GPSM2: variants seen among roughly 807,000 people sequenced by gnomAD.
GPSM2 encodes the protein G protein-signaling modulator 2.
A neutral mutation model predicts 78.4 loss-of-function variants in GPSM2; 58 were observed. That is an observed-to-expected ratio of 0.74 (90% CI 0.60 to 0.92). The LOEUF (loss-of-function observed/expected upper bound fraction) is 0.92. Among genes scored for constraint, GPSM2 ranks in the 40% least tolerant of loss-of-function variants. The pLI, the probability that GPSM2 is intolerant of heterozygous loss-of-function variation, is 0.00. For synonymous variants in GPSM2, 224 were observed against 280.2 expected (o/e 0.80, Z 2.00); for missense variants, 700 against 815.5 (o/e 0.86, Z 1.73).
At chr1:108,901,442 G>GC in intron 7 of GPSM2, among the ~76,000 whole-genome samples, 1 of 152,222 alleles carries the variant, frequency 6.6e-6, no homozygotes, top group African/African-American at 2.4e-5. Flanking sequence ...GTGGAAAAAA[G>GC]CCTCTTTTAG....
intron 2 of GPSM2, among the ~76,000 whole-genome samples, chr1:108,886,684 G>A (rs1170560365): frequency 1.3e-5 from 2 of 152,178 alleles, no homozygotes; most frequent in East Asian, 3.9e-4. Flanking sequence ...TTATGCACAT[G>A]TATGTGTGTT....
intron 12 of GPSM2, among the ~76,000 whole-genome samples, chr1:108,919,596 G>A (rs898444448): frequency 6.6e-6 from 1 of 152,046 alleles, no homozygotes; most frequent in East Asian, 1.9e-4. Flanking sequence ...AAGTTAGCCA[G>A]GTATGGTGGT....
At chr1:108,903,987 CAT>C in intron 9 of GPSM2, 136 bp from the exon 10 acceptor site, 3 of 664,288 alleles carry the variant, frequency 4.5e-6, no homozygotes, top group Non-Finnish European at 8.0e-6. Context: ...TTCATTCATT[CAT>C]AGTCTCATAA....
At chr1:108,929,509 A>T in intron 14 of GPSM2, 192 bp from the exon 15 acceptor site, 1 of 616,394 alleles carries the variant, frequency 1.6e-6, no homozygotes, top group Non-Finnish European at 2.8e-6. Flanking sequence ...ATGCAGTTTC[A>T]GGTTTAAAGA....
At chr1:108,899,509 G>C (rs1424361733) in intron 7 of GPSM2, among the ~76,000 whole-genome samples, 1 of 151,958 alleles carries the variant, frequency 6.6e-6, no homozygotes, top group African/African-American at 2.4e-5. Context: ...CCCTCTTTCT[G>C]CCTATATTTG....
intron 14 of GPSM2, among the ~76,000 whole-genome samples, chr1:108,928,394 T>C (rs942091617): frequency 6.6e-6 from 1 of 152,078 alleles, no homozygotes; most frequent in Non-Finnish European, 1.5e-5. Flanking sequence ...AGTGTTGGGT[T>C]AATTGGAGGA....
chr1:108,878,254 G>A (rs1429300875), intron 1 of GPSM2, among the ~76,000 whole-genome samples: 1 of 152,130 alleles, frequency 6.6e-6, no homozygotes, highest in African/African-American at 2.4e-5. Flanking sequence ...GACATGGTGT[G>A]TGTAAGGAGA....
At chr1:108,901,198 C>T (rs1410693914) in intron 7 of GPSM2, among the ~76,000 whole-genome samples, 2 of 152,170 alleles carry the variant, frequency 1.3e-5, no homozygotes, top group East Asian at 1.9e-4. Flanking sequence ...CCCAGTCTAG[C>T]TCCAAGATCT....
At chr1:108,919,541 G>C (rs77231259) in intron 12 of GPSM2, among the ~76,000 whole-genome samples, 155 of 152,178 alleles carry the variant, frequency 1.0e-3, no homozygotes, top group Admixed American at 4.8e-3. Context: ...GATGAAAAAT[G>C]AGCCTGGGCA....
intron 10 of GPSM2, among the ~76,000 whole-genome samples, chr1:108,908,412 G>C (rs558456571): frequency 6.7e-6 from 1 of 148,906 alleles, no homozygotes; most frequent in Non-Finnish European, 1.5e-5. Context: ...GGCCAGGCGC[G>C]GTGGCTCACA....
Position 108,931,603 on chromosome 1 carries a change from G to T in GPSM2, c.*1663G>T. On this transcript the variant is annotated 3_prime_UTR_variant, in exon 15 of 15. Transcript: ENST00000264126. ...AATGTTTTTTAAGAGTCATAACCTG[G>T]AATTAATTACATTAAGTGCTCAGCT... 1.6e-6 allele frequency: 2 copies of T among 1,276,130 alleles called. No homozygotes were observed. The highest frequency in any genetic ancestry group is 2.0e-6 in the Non-Finnish European group (2 of 980,152). 79.1% of individuals were successfully genotyped at this position (1,276,130 alleles called of 1,614,324 possible).
At chr1:108,879,549 C>T (rs1470241011) in intron 1 of GPSM2, among the ~76,000 whole-genome samples, 1 of 152,166 alleles carries the variant, frequency 6.6e-6, no homozygotes, top group East Asian at 1.9e-4. Context: ...AAATAAAAGG[C>T]TGAGGCCGGG....
In GPSM2 at chr1:108,885,534, T is replaced by G; in HGVS notation, c.12T>G (p.Asn4Lys). ...TATAATATGACTCGATGGAGGAAAA[T>G]TTGATAAGCATGAGAGAAGACCATT... The part of the protein sequence containing the change: MEE[N>K]LISMREDHSF... The change falls in exon 2 of 15, where the codon AAT becomes AAG. Residue 4 changes from asparagine to lysine, a missense_variant. Asn to Lys is a moderately conservative substitution (Grantham distance 94, BLOSUM62 0). Transcript: ENST00000264126. The G allele has an allele frequency of 6.4e-7, 1 of 1,574,692 alleles. No individual in the cohort carries two copies. Among genetic ancestry groups the G allele is most frequent in the Non-Finnish European group, 8.7e-7 (1 of 1,144,422 alleles).
At chr1:108,878,361 A>G (rs1370095345) in intron 1 of GPSM2, among the ~76,000 whole-genome samples, 1 of 152,092 alleles carries the variant, frequency 6.6e-6, no homozygotes, top group Non-Finnish European at 1.5e-5. Flanking sequence ...TATTACTTAT[A>G]ATTTAAGTAT....
chr1:108,900,425 G>A (rs1202324317), intron 7 of GPSM2, among the ~76,000 whole-genome samples: 1 of 151,916 alleles, frequency 6.6e-6, no homozygotes, highest in Non-Finnish European at 1.5e-5. Flanking sequence ...TTTTAGTAGA[G>A]ACGGGGTTTC....
At chr1:108,889,848 T>A (rs1647846662) in intron 2 of GPSM2, among the ~76,000 whole-genome samples, 1 of 151,864 alleles carries the variant, frequency 6.6e-6, no homozygotes, top group Admixed American at 6.6e-5. Flanking sequence ...AAGCTGAACA[T>A]AGAACACAAG....
chr1:108,913,441 G>T (rs999185230), intron 10 of GPSM2, among the ~76,000 whole-genome samples: 2 of 152,162 alleles, frequency 1.3e-5, no homozygotes, highest in African/African-American at 2.4e-5. Flanking sequence ...CAATGAAAAT[G>T]AATTAAGGTA....
intron 10 of GPSM2, among the ~76,000 whole-genome samples, chr1:108,906,800 C>T (rs1162999267): frequency 6.6e-6 from 1 of 152,144 alleles, no homozygotes; most frequent in Non-Finnish European, 1.5e-5. Flanking sequence ...ATCGCTTGAA[C>T]CTGGGAGGAG....
At position 108,932,128 on chromosome 1, in the gene GPSM2, G is replaced by C. The variant is rs779695668; in HGVS notation, c.*2188G>C. ...TCTCTACTAAAAAATACAAAAATTAGCCAGGCATGGTGATGCACATCTGTA... is the reference window on the plus strand; with the variant it reads ...TCTCTACTAAAAAATACAAAAATTACCCAGGCATGGTGATGCACATCTGTA... On this transcript the variant is annotated 3_prime_UTR_variant, in exon 15 of 15. Transcript: ENST00000264126. 1 of 152,212 alleles carries C rather than the reference G, an allele frequency of 6.6e-6. No individual in the cohort carries two copies. Among genetic ancestry groups the C allele is most frequent in the Non-Finnish European group, 1.5e-5 (1 of 68,058 alleles). 9.4% of individuals were successfully genotyped at this position (152,212 alleles called of 1,614,324 possible).
Sources: gnomAD v4.1 joint callset for allele counts (sites outside exome capture counted in the v4.1 genomes callset) on GRCh38, gnomAD v4.1.1 for gene constraint, MANE v1.5 for transcripts, NCBI Gene and HGNC (gene_info 2026-07-23, HGNC 2026-07-21) for gene names.